The following LARGE1 variants were observed in gnomAD, a reference collection of about 807,000 sequenced individuals.
LARGE1 encodes the protein LARGE xylosyl- and glucuronyltransferase 1.
LARGE1 carries 43 observed loss-of-function variants against 87.6 expected under a neutral mutation model. The observed-to-expected ratio is 0.49, with a 90% CI of 0.38 to 0.63. The LOEUF is 0.63. LARGE1 is among the 30% of genes least tolerant of loss of function. The pLI, the probability that LARGE1 is intolerant of heterozygous loss-of-function variation, is 0.00. For missense variants in LARGE1, 802 were observed against 1,000.2 expected, an observed-to-expected ratio of 0.80 and a Z score of 2.67; for synonymous variants, 434 against 394.6, an observed-to-expected ratio of 1.10 and a Z score of -1.18.
chr22:33,641,607 C>T (rs1227402729), intron 3 of LARGE1, among the ~76,000 whole-genome samples: 1 of 152,100 alleles, frequency 6.6e-6, no homozygotes, highest in Non-Finnish European at 1.5e-5. Flanking sequence ...CATGTTCTAA[C>T]CCAATGCAAG....
In LARGE1 at chr22:33,304,411, G is replaced by C; in HGVS notation, c.1548C>G (p.Tyr516Ter). The change falls in exon 12 of 15, where the codon TAC becomes TAG. Residue 516 changes from tyrosine (Y) to a stop codon, truncating the protein, a stop_gained. Coordinates refer to ENST00000397394, the MANE Select transcript of LARGE1 (RefSeq NM_133642.5). LOFTEE classifies it high-confidence loss of function. ...TCATAAGCACCTCAGAGCCCTGTGC[G>C]TAGCGGAGGAACTGCTGGGCCTCGG... ...SDAEAQQFLR[Y>*]AQGSEVLMSR... The C allele has an allele frequency of 6.2e-7, 1 of 1,614,250 alleles. No individual in the cohort carries two copies. Among genetic ancestry groups the C allele is most frequent in the Non-Finnish European group, 8.5e-7 (1 of 1,180,038 alleles).
In LARGE1 at chr22:33,602,636, C is replaced by T. The variant is rs116289661; in HGVS notation, c.615+1799G>A. On this transcript the variant is annotated intron_variant, in intron 5 of 14. Coordinates refer to ENST00000397394, the MANE Select transcript of LARGE1 (RefSeq NM_133642.5). ...CCCCTGCCCTCAGCCTCCAGAGCAG[C>T]TTAGACTGACTACAGGTGTGTGCCG... 9.7e-3 allele frequency among the ~76,000 whole-genome samples: 1,480 copies of T among 152,190 alleles called. 22 individuals carry two copies. The highest frequency in any genetic ancestry group is 0.034 in the African/African-American group (1,401 of 41,518).
intron 11 of LARGE1, among the ~76,000 whole-genome samples, chr22:33,248,048 C>T (rs552850394): frequency 6.6e-6 from 1 of 152,306 alleles, no homozygotes; most frequent in Admixed American, 6.5e-5. Context: ...AACCTCATAA[C>T]TGAGGTTTGA....
chr22:33,663,770 T>C (rs2081194765), intron 2 of LARGE1, among the ~76,000 whole-genome samples: 1 of 152,220 alleles, frequency 6.6e-6, no homozygotes, highest in Non-Finnish European at 1.5e-5. Context: ...ACCAACGATC[T>C]TCACCAACAA....
At chr22:33,625,799 A>T (rs2079903082) in intron 4 of LARGE1, among the ~76,000 whole-genome samples, 1 of 151,984 alleles carries the variant, frequency 6.6e-6, no homozygotes, top group Non-Finnish European at 1.5e-5. Context: ...TACACTAATG[A>T]CCCCATTTTA....
intron 6 of LARGE1, among the ~76,000 whole-genome samples, chr22:33,436,114 G>T (rs904941266): frequency 5.9e-5 from 9 of 152,126 alleles, no homozygotes; most frequent in African/African-American, 2.2e-4. Context: ...CTGAACTCAG[G>T]CTGCCTGGTT....
At chr22:33,757,330 GGGAAGATTCT>G (rs530323155) in intron 2 of LARGE1, among the ~76,000 whole-genome samples, 81 of 152,170 alleles carry the variant, frequency 5.3e-4, no homozygotes, top group Non-Finnish European at 1.1e-3. Context: ...CCCTTAATCG[GGGAAGATTCT>G]GGTCATTTTC....
intron 11 of LARGE1, among the ~76,000 whole-genome samples, chr22:33,193,817 AG>A (rs1305191322): frequency 6.7e-6 from 1 of 150,144 alleles, no homozygotes; most frequent in Non-Finnish European, 1.5e-5. Context: ...GACTATAAAA[AG>A]TAATTTATAT....
chr22:33,456,297 A>T (rs1014724640), intron 6 of LARGE1, among the ~76,000 whole-genome samples: 1 of 152,090 alleles, frequency 6.6e-6, no homozygotes, highest in African/African-American at 2.4e-5. Flanking sequence ...ACAATCACCA[A>T]CCCCATCTAT....
rs186540788 is a variant in LARGE1, at chr22:33,429,197, A to G, written c.892+2964T>C. Among the ~76,000 whole-genome samples the G allele has an allele frequency of 3.5e-3, 539 of 152,188 alleles. 5 individuals are homozygous for G. The highest frequency in any genetic ancestry group is 0.012 in the African/African-American group (509 of 41,526). On this transcript the variant is annotated intron_variant, in intron 7 of 14. Transcript: ENST00000397394. ...TTTCCATGAGAATCTACATGTCTGGATGACTCATTCACTGGGTGGCACAAT... is the reference window on the plus strand; with the variant it reads ...TTTCCATGAGAATCTACATGTCTGGGTGACTCATTCACTGGGTGGCACAAT...
chr22:33,643,129 T>G (rs2080496765), intron 3 of LARGE1, among the ~76,000 whole-genome samples: 1 of 151,988 alleles, frequency 6.6e-6, no homozygotes, highest in Admixed American at 6.5e-5. Context: ...TATTCTAAAA[T>G]CGACCACATA....
intron 9 of LARGE1, among the ~76,000 whole-genome samples, chr22:33,364,400 TC>T (rs2064508568): frequency 6.6e-6 from 1 of 152,164 alleles, no homozygotes; most frequent in Non-Finnish European, 1.5e-5. Context: ...TTTTGTTTTT[TC>T]AATCCCGTTC....
At chr22:33,299,639 C>A (rs1933874390) in intron 12 of LARGE1, among the ~76,000 whole-genome samples, 1 of 152,194 alleles carries the variant, frequency 6.6e-6, no homozygotes. Flanking sequence ...AGAAAATGAA[C>A]TCCTGCTGGG....
intron 6 of LARGE1, among the ~76,000 whole-genome samples, chr22:33,544,038 C>A (rs1313144804): frequency 6.6e-6 from 1 of 152,180 alleles, no homozygotes; most frequent in Non-Finnish European, 1.5e-5. Context: ...CAATAAAAAT[C>A]CTGGGTGCTG....
chr22:33,301,613 C>T (rs930629109), intron 12 of LARGE1, among the ~76,000 whole-genome samples: 2 of 152,096 alleles, frequency 1.3e-5, no homozygotes, highest in Admixed American at 1.3e-4. Context: ...TCCCTGAGAC[C>T]AGGGCTCTGG....
intron 9 of LARGE1, among the ~76,000 whole-genome samples, chr22:33,378,561 C>T (rs927157517): frequency 7.9e-5 from 12 of 152,272 alleles, no homozygotes; most frequent in South Asian, 4.1e-4. Context: ...TGATAGCATT[C>T]GCTTGTTTGA....
At chr22:33,884,247 A>C (rs749168487) in intron 1 of LARGE1, among the ~76,000 whole-genome samples, 15 of 152,188 alleles carry the variant, frequency 9.9e-5, no homozygotes, top group Non-Finnish European at 1.9e-4. Flanking sequence ...TCATTACTGC[A>C]GCTGTCCGTC....
chr22:33,570,965 C>T (rs2078183211), intron 5 of LARGE1, among the ~76,000 whole-genome samples: 1 of 152,082 alleles, frequency 6.6e-6, no homozygotes, highest in African/African-American at 2.4e-5. Flanking sequence ...CGAGAGCACC[C>T]CATAGAGAAG....
At chr22:33,744,728 C>A (rs534496412) in intron 2 of LARGE1, among the ~76,000 whole-genome samples, 1 of 152,210 alleles carries the variant, frequency 6.6e-6, no homozygotes, top group East Asian at 1.9e-4. Context: ...TGGTACAGTG[C>A]TCAGCACAGA....
Sources: allele counts gnomAD v4.1 joint callset (sites outside exome capture counted in the v4.1 genomes callset), GRCh38; gene constraint gnomAD v4.1.1; transcripts MANE v1.5; gene names NCBI Gene and HGNC (gene_info 2026-07-23, HGNC 2026-07-21).